Variants in LMX1B observed in about 807,000 individuals in gnomAD.
LMX1B encodes the protein LIM homeobox transcription factor 1-beta.
Under a neutral mutation model 51.4 loss-of-function variants are expected in LMX1B, and 12 were observed. The observed-to-expected ratio is 0.23, with a 90% confidence interval of 0.15 to 0.38. The LOEUF (loss-of-function observed/expected upper bound fraction) is 0.38, where lower values mean the gene tolerates loss of function less well. Among genes scored for constraint, LMX1B ranks in the 10% least tolerant of loss-of-function variants. The pLI is 1.00. For synonymous variants in LMX1B, 237 were observed against 235.4 expected (o/e 1.01, Z -0.06); for missense variants, 445 against 571.1 (o/e 0.78, Z 2.25).
At chr9:126,637,457 C>G (rs552674786) in intron 2 of LMX1B, among the ~76,000 whole-genome samples, 28 of 141,242 alleles carry the variant, frequency 2.0e-4, no homozygotes, top group African/African-American at 7.6e-4. Flanking sequence ...CAGGCATTTG[C>G]GTGTGCATTT....
intron 2 of LMX1B, among the ~76,000 whole-genome samples, chr9:126,655,342 G>A (rs907361413): frequency 1.3e-5 from 2 of 151,908 alleles, no homozygotes; most frequent in South Asian, 4.1e-4. Context: ...TCCAGCACTG[G>A]AGGCAGTGGC....
chr9:126,616,692 G>A (rs530743532), intron 2 of LMX1B, among the ~76,000 whole-genome samples: 1 of 152,336 alleles, frequency 6.6e-6, no homozygotes, highest in South Asian at 2.1e-4. Flanking sequence ...CTGGGCTGCC[G>A]GCGCCTCGTG....
chr9:126,690,914 G>A lies in LMX1B; in HGVS notation c.405G>A (p.Val135=), dbSNP rs2118986909. 1.9e-6 allele frequency: 3 copies of A among 1,614,080 alleles called. No individual in the cohort carries two copies. Among genetic ancestry groups the A allele is most frequent in the Non-Finnish European group, 2.5e-6 (3 of 1,179,988 alleles). ...TCGTGATGCGGGCGCTGGAGTGCGT[G>A]TACCACCTGGGCTGCTTCTGCTGCT... is the stretch of plus-strand genomic sequence containing the variant. The part of the protein sequence containing the change: ...TEFVMRALEC[V]YHLGCFCCCV... The change falls in exon 3 of 8, where the codon GTG becomes GTA. Residue 135 remains valine (V), a synonymous_variant. Transcript: ENST00000373474.
chr9:126,691,486 CAT>C (rs1007938799), intron 3 of LMX1B, among the ~76,000 whole-genome samples: 1 of 152,256 alleles, frequency 6.6e-6, no homozygotes, highest in Non-Finnish European at 1.5e-5. Context: ...CACATACACA[CAT>C]GACACAGCAC....
intron 2 of LMX1B, among the ~76,000 whole-genome samples, chr9:126,639,398 A>G (rs1027492311): frequency 1.3e-5 from 2 of 152,162 alleles, no homozygotes; most frequent in Non-Finnish European, 2.9e-5. Context: ...GGGGCCTCGA[A>G]CAAAGCCGGG....
At chr9:126,682,108 T>TTTTTTTTTTTTG (rs1554727665) in intron 2 of LMX1B, among the ~76,000 whole-genome samples, 1 of 139,020 alleles carries the variant, frequency 7.2e-6, no homozygotes, top group Admixed American at 7.2e-5. Context: ...TTTTTTTTTT[T>TTTTTTTTTTTTG]ATAGAGATGG....
At chr9:126,652,405 G>A (rs542452656) in intron 2 of LMX1B, among the ~76,000 whole-genome samples, 3 of 152,342 alleles carry the variant, frequency 2.0e-5, no homozygotes, top group South Asian at 2.1e-4. Context: ...TGTTTGGAAC[G>A]ATAACTGCAC....
At chr9:126,680,224 G>A (rs1836648833) in intron 2 of LMX1B, among the ~76,000 whole-genome samples, 2 of 152,206 alleles carry the variant, frequency 1.3e-5, no homozygotes, top group African/African-American at 4.8e-5. Context: ...TTTGGGAGGT[G>A]GCCAGGGCAG....
Position 126,673,483 on chromosome 9 carries a change from G to T in LMX1B, c.327-17353G>T, listed in dbSNP as rs1286999741. Among the ~76,000 whole-genome samples, 1 of 152,162 alleles carries T rather than the reference G, an allele frequency of 6.6e-6. No individual in the cohort carries two copies. Among genetic ancestry groups the T allele is most frequent in the Non-Finnish European group, 1.5e-5 (1 of 68,020 alleles). Reference sequence around the variant, plus strand: ...GCTAACCCAGGGCTCCCTCAGGTAGGGCAGAAGGTAGCTTTTGGCACCATC... The same window carrying T: ...GCTAACCCAGGGCTCCCTCAGGTAGTGCAGAAGGTAGCTTTTGGCACCATC... On this transcript the variant is annotated intron_variant, in intron 2 of 7. Transcript: ENST00000373474. This position sits in a 1 kb window ranked among gnomAD's most constrained non-coding sequence, Gnocchi z 4.4.
intron 2 of LMX1B, among the ~76,000 whole-genome samples, chr9:126,676,313 G>A (rs1236144546): frequency 1.3e-5 from 2 of 152,126 alleles, no homozygotes; most frequent in South Asian, 2.1e-4. Context: ...TCTGTCTTCC[G>A]AAAAGTGGCC....
chr9:126,686,032 C>A (rs1836760440), intron 2 of LMX1B, among the ~76,000 whole-genome samples: 4 of 152,120 alleles, frequency 2.6e-5, no homozygotes, highest in Non-Finnish European at 5.9e-5. Context: ...GTGAAAGAAT[C>A]AGCCATACCC....
At chr9:126,688,059 G>C (rs534544616) in intron 2 of LMX1B, among the ~76,000 whole-genome samples, 1 of 152,168 alleles carries the variant, frequency 6.6e-6, no homozygotes, top group Non-Finnish European at 1.5e-5. Flanking sequence ...GAGACCAAAC[G>C]GATGGCGCAT....
At chr9:126,643,560 A>C (rs1835845608) in intron 2 of LMX1B, among the ~76,000 whole-genome samples, 1 of 152,210 alleles carries the variant, frequency 6.6e-6, no homozygotes, top group African/African-American at 2.4e-5. Context: ...ACAGCTGAGC[A>C]GCTCAACAAA....
chr9:126,695,468 GC>G lies in LMX1B; in HGVS notation c.887-370del, dbSNP rs1270166332. Among the ~76,000 whole-genome samples, 1 of 140,950 alleles carries G rather than the reference GC, an allele frequency of 7.1e-6. No homozygotes were observed. The highest frequency in any genetic ancestry group is 2.4e-5 in the African/African-American group (1 of 41,056). 92.5% of individuals were successfully genotyped at this position (140,950 alleles called of 152,430 possible). A position where few individuals can be genotyped will look rare whatever the true frequency, so the allele number is the denominator to read the frequency against. On this transcript the variant is annotated intron_variant, in intron 6 of 7. Transcript: ENST00000373474. The surrounding 1 kb of genome is among the most constrained non-coding windows in gnomAD (Gnocchi z 5.2). ...TGCTAGTTCTTTAAGTCACATCAGGGCGGGGGCCCTTTCCTCCAGGAAGTCT... is the reference window on the plus strand; with the variant it reads ...TGCTAGTTCTTTAAGTCACATCAGGGGGGGGCCCTTTCCTCCAGGAAGTCT...
At chr9:126,632,128 A>G (rs1425895028) in intron 2 of LMX1B, among the ~76,000 whole-genome samples, 6 of 152,212 alleles carry the variant, frequency 3.9e-5, no homozygotes, top group Admixed American at 2.0e-4. Context: ...AGCAAAATGC[A>G]CGTAAAGAAC....
intron 2 of LMX1B, among the ~76,000 whole-genome samples, chr9:126,682,075 C>T (rs1283879958): frequency 8.6e-6 from 1 of 115,696 alleles, no homozygotes; most frequent in Non-Finnish European, 1.8e-5. Context: ...ATACTTGGTC[C>T]CCAGGGTCTT....
chr9:126,626,203 A>G lies in LMX1B; in HGVS notation c.326+10634A>G, dbSNP rs1187300446. Among the ~76,000 whole-genome samples, 1 of 152,232 alleles carries G rather than the reference A, an allele frequency of 6.6e-6. No homozygotes were observed. Among genetic ancestry groups the G allele is most frequent in the African/African-American group, 2.4e-5 (1 of 41,470 alleles). On this transcript the variant is annotated intron_variant, in intron 2 of 7. Transcript: ENST00000373474. The surrounding 1 kb of genome is among the most constrained non-coding windows in gnomAD (Gnocchi z 4.3). ...CTCTGGAGTCCCCGTGCGCCCTGGC[A>G]GAGGTCGGGGACGCCAGAGTGCACG...
chr9:126,629,699 A>C lies in LMX1B; in HGVS notation c.326+14130A>C, dbSNP rs528594799. Reference sequence around the variant, plus strand: ...GCTTTGATGGGGATTCACTCACTGAATCTTCTTACTGCTCTGGGGGCAGGT... The same window carrying C: ...GCTTTGATGGGGATTCACTCACTGACTCTTCTTACTGCTCTGGGGGCAGGT... On this transcript the variant is annotated intron_variant, in intron 2 of 7. Transcript: ENST00000373474. 6.6e-5 allele frequency among the ~76,000 whole-genome samples: 10 copies of C among 152,122 alleles called. No homozygotes were observed. The East Asian group carries it at 1.7e-3, about 26-fold the overall frequency.
chr9:126,660,660 C>CAT (rs751810968), intron 2 of LMX1B, among the ~76,000 whole-genome samples: 4 of 152,146 alleles, frequency 2.6e-5, no homozygotes, highest in Non-Finnish European at 5.9e-5. Flanking sequence ...ATGGTAAACC[C>CAT]ATAGAAGAGC....
Sources: gnomAD v4.1 joint callset for allele counts (sites outside exome capture counted in the v4.1 genomes callset) on GRCh38, gnomAD v4.1.1 for gene constraint, Gnocchi (gnomAD v3.1) non-coding constraint, MANE v1.5 for transcripts, NCBI Gene and HGNC (gene_info 2026-07-23, HGNC 2026-07-21) for gene names.